The following NANS variants were observed in gnomAD, a reference collection of about 807,000 sequenced individuals.
NANS encodes the protein N-acetylneuraminate synthase.
In NANS, 29 loss-of-function variants were observed where a neutral mutation model predicts 33.3. The ratio of observed to expected loss-of-function variants is 0.87; its 90% confidence interval spans 0.65 to 1.19. The LOEUF (loss-of-function observed/expected upper bound fraction) is 1.19. Among genes scored for constraint, NANS ranks in the 50% most tolerant of loss-of-function variants. NANS has a pLI of 0.00. For missense variants in NANS, 394 were observed against 461.1 expected (o/e 0.85, Z 1.33); for synonymous variants, 163 against 177.2 (o/e 0.92, Z 0.64).
At chr9:98,065,308 C>CTTTTTTTT (rs758040892) in intron 2 of NANS, among the ~76,000 whole-genome samples, 5 of 92,764 alleles carry the variant, frequency 5.4e-5, no homozygotes, top group African/African-American at 2.0e-4. Context: ...ACTCCTGGTG[C>CTTTTTTTT]TTTTTTTTTT....
chr9:98,073,562 C>T (rs1416709802), intron 2 of NANS, among the ~76,000 whole-genome samples: 5 of 150,574 alleles, frequency 3.3e-5, no homozygotes, highest in African/African-American at 4.9e-5. Flanking sequence ...GGATTACAGG[C>T]GTGAGCCACC....
chr9:98,068,718 C>T (rs573802067), intron 2 of NANS, among the ~76,000 whole-genome samples: 5 of 150,644 alleles, frequency 3.3e-5, no homozygotes, highest in African/African-American at 9.8e-5. Context: ...GAGGCTGAGG[C>T]AGGAAGGCGG....
At chr9:98,062,465 T>A (rs947878447) in intron 2 of NANS, among the ~76,000 whole-genome samples, 3 of 151,806 alleles carry the variant, frequency 2.0e-5, no homozygotes, top group African/African-American at 4.8e-5. Context: ...GTAAAAAAAA[T>A]TTTACTTGTA....
intron 3 of NANS, 60 bp downstream of exon 3, chr9:98,077,077 C>A: frequency 7.9e-7 from 1 of 1,259,814 alleles, no homozygotes; most frequent in Non-Finnish European, 1.1e-6. Context: ...ATTTTTACTC[C>A]CCTCATGGTG....
rs749063399 is a variant in NANS at position 98,060,922 on chromosome 9, C to T, written c.273C>T (p.Ser91=). The change falls in exon 2 of 6, where the codon AGC becomes AGT. Residue 91 remains serine, a synonymous_variant. Coordinates refer to ENST00000210444, the MANE Select transcript of NANS (RefSeq NM_018946.4). ...AGCACAAACGACATCTGGAGTTCAGCCATGACCAGTACAGGGAGCTGCAGA... is the reference window on the plus strand; with the variant it reads ...AGCACAAACGACATCTGGAGTTCAGTCATGACCAGTACAGGGAGCTGCAGA... ...YGEHKRHLEF[S]HDQYRELQRY... 4.3e-6 allele frequency: 7 copies of T among 1,614,178 alleles called. No individual in the cohort carries two copies. Among genetic ancestry groups the T allele is most frequent in the East Asian group, 4.5e-5 (2 of 44,876 alleles).
intron 4 of NANS, among the ~76,000 whole-genome samples, chr9:98,078,564 G>A (rs1398132390): frequency 1.3e-5 from 2 of 152,014 alleles, no homozygotes; most frequent in East Asian, 1.9e-4. Flanking sequence ...GGCCAGGCGC[G>A]GTGGGTCATG....
intron 1 of NANS, 92 bp downstream of exon 1, chr9:98,057,032 G>T: frequency 7.0e-7 from 1 of 1,420,328 alleles, no homozygotes; most frequent in South Asian, 1.5e-5. Context: ...CTCCGCGGCT[G>T]GGTACCCTGG....
At chr9:98,074,215 A>G (rs1017551280) in intron 2 of NANS, among the ~76,000 whole-genome samples, 15 of 152,330 alleles carry the variant, frequency 9.8e-5, no homozygotes, top group South Asian at 4.1e-4. Flanking sequence ...GAGGCTATCC[A>G]TGGGACCCAT....
intron 1 of NANS, among the ~76,000 whole-genome samples, chr9:98,060,563 G>A (rs1828944151): frequency 6.6e-6 from 1 of 152,106 alleles, no homozygotes; most frequent in South Asian, 2.1e-4. Flanking sequence ...CCAGCTACTT[G>A]GGAGGCTGAG....
intron 2 of NANS, among the ~76,000 whole-genome samples, chr9:98,067,386 G>T (rs575749344): frequency 1.3e-5 from 2 of 152,326 alleles, no homozygotes; most frequent in African/African-American, 4.8e-5. Flanking sequence ...GATGGTGCCA[G>T]TTGCTTCACA....
intron 2 of NANS, among the ~76,000 whole-genome samples, chr9:98,071,063 C>T (rs995089976): frequency 1.3e-5 from 2 of 151,978 alleles, no homozygotes; most frequent in African/African-American, 2.4e-5. Flanking sequence ...TCTCCCACCT[C>T]GGCCTCCCAA....
chr9:98,064,097 T>C lies in NANS; in HGVS notation c.348+3100T>C, dbSNP rs75369596. Reference sequence around the variant, plus strand: ...CACATGCAGCTCAGGCCAGAGGTAATGGGTGGTTTAAAAAAGGAGGAAGGT... The same window carrying C: ...CACATGCAGCTCAGGCCAGAGGTAACGGGTGGTTTAAAAAAGGAGGAAGGT... On this transcript the variant is annotated intron_variant, in intron 2 of 5. Coordinates refer to ENST00000210444, the MANE Select transcript of NANS (RefSeq NM_018946.4). Among the ~76,000 whole-genome samples the C allele has an allele frequency of 3.5e-3, 527 of 152,226 alleles. 5 individuals are homozygous for C. The highest frequency in any genetic ancestry group is 0.011 in the African/African-American group (465 of 41,548).
chr9:98,074,723 C>T (rs968058168), intron 2 of NANS: 3 of 152,136 alleles, frequency 2.0e-5, no homozygotes, highest in Non-Finnish European at 4.4e-5. Context: ...CACTTGTCCC[C>T]CCTCCTTGCC....
At position 98,060,987 on chromosome 9, in the gene NANS, G is replaced by A; in HGVS notation, c.338G>A (p.Gly113Asp). ...GTTGGGATCTTCTTCACTGCCTCTG[G>A]CATGGATGAGGTGAGTCCTCTGCTG... ...EEVGIFFTAS[G>D]MDEMAVEFLH... Residue 113 changes from glycine to aspartate, a missense_variant, in exon 2 of 6, where the codon GGC becomes GAC. Gly to Asp is a moderately conservative substitution (Grantham distance 94). Transcript: ENST00000210444. 6.2e-7 allele frequency: 1 copy of A among 1,613,606 alleles called. No homozygotes were observed. Among genetic ancestry groups the A allele is most frequent in the East Asian group, 2.2e-5 (1 of 44,884 alleles).
Position 98,083,069 on chromosome 9 carries a change from T to C in NANS, c.*14T>C, listed in dbSNP as rs760106117. On this transcript the variant is annotated 3_prime_UTR_variant, in exon 6 of 6. Coordinates refer to ENST00000210444, the MANE Select transcript of NANS (RefSeq NM_018946.4). ...ATCAAGTCTTAAAAATAAAGTGCCA[T>C]TCTCTGAATTCTCAGTTCCCTTGCT... 1.9e-6 allele frequency: 3 copies of C among 1,611,020 alleles called. No homozygotes were observed. The East Asian group carries it at 6.7e-5, about 36-fold the overall frequency.
chr9:98,057,347 T>C (rs1828856500), intron 1 of NANS, among the ~76,000 whole-genome samples: 1 of 152,200 alleles, frequency 6.6e-6, no homozygotes, highest in South Asian at 2.1e-4. Context: ...TCTGACATTC[T>C]TCAGCGACAC....
chr9:98,078,076 T>G lies in NANS; in HGVS notation c.449-117T>G. The G allele has an allele frequency of 3.4e-6, 5 of 1,470,440 alleles. No individual in the cohort carries two copies. In the South Asian group the frequency reaches 6.4e-5, roughly 19 times the overall value. The allele number at this position is 1,470,440 out of a possible 1,614,324, so 91.1% of individuals were successfully genotyped here. On this transcript the variant is annotated intron_variant, in intron 3 of 5. Coordinates refer to ENST00000210444, the MANE Select transcript of NANS (RefSeq NM_018946.4). ...TTCCCCCACAGGGGCTGGCACAGTG[T>G]TTTAAGAGATGTCTGTGGAGTTCAG...
intron 2 of NANS, among the ~76,000 whole-genome samples, chr9:98,071,761 C>T (rs1829346046): frequency 6.6e-6 from 1 of 152,206 alleles, no homozygotes; most frequent in Non-Finnish European, 1.5e-5. Context: ...CCTGAGTCAG[C>T]GCAGAACCAG....
At chr9:98,080,532 G>A (rs1043518076) in intron 4 of NANS, among the ~76,000 whole-genome samples, 1 of 152,226 alleles carries the variant, frequency 6.6e-6, no homozygotes, top group African/African-American at 2.4e-5. Flanking sequence ...TACTCTTGGT[G>A]TATTGTGCAA....
Sources: allele counts gnomAD v4.1 joint callset (sites outside exome capture counted in the v4.1 genomes callset), GRCh38; gene constraint gnomAD v4.1.1; transcripts MANE v1.5; gene names NCBI Gene and HGNC (gene_info 2026-07-23, HGNC 2026-07-21).